The following TGS1 variants were observed in gnomAD, a reference collection of about 807,000 sequenced individuals.
TGS1 encodes trimethylguanosine synthase.
A neutral mutation model predicts 92.2 loss-of-function variants in TGS1; 69 were observed. The observed-to-expected ratio is 0.75, with a 90% CI of 0.62 to 0.91. TGS1 has a LOEUF of 0.91. Among genes scored for constraint, TGS1 ranks in the 40% least tolerant of loss-of-function variants. The pLI is 0.00. For missense variants in TGS1, 1,062 were observed against 1,001.2 expected, an observed-to-expected ratio of 1.06 and a Z score of -0.82; for synonymous variants, 345 against 338.1, an observed-to-expected ratio of 1.02 and a Z score of -0.22.
Position 55,799,024 on chromosome 8 carries a change from A to G in TGS1, c.1653A>G (p.Glu551=). 6.2e-7 allele frequency: 1 copy of G among 1,614,186 alleles called. No individual in the cohort carries two copies. The highest frequency in any genetic ancestry group is 8.5e-7 in the Non-Finnish European group (1 of 1,180,010). ...HDASTSSDSE[E]QDMSVKKGDD... is the part of the protein sequence containing the mutation. ...CTTCCACAAGTAGTGATTCAGAGGA[A>G]CAAGACATGTCTGTTAAAAAAGGTG... is the stretch of plus-strand genomic sequence containing the variant. Residue 551 remains glutamate, a synonymous_variant, in exon 8 of 13, where the codon GAA becomes GAG. Transcript: ENST00000260129.
At chr8:55,798,197 G>T (rs1407283023) in intron 7 of TGS1, among the ~76,000 whole-genome samples, 1 of 152,156 alleles carries the variant, frequency 6.6e-6, no homozygotes, top group Non-Finnish European at 1.5e-5. Flanking sequence ...GGAAGATTCT[G>T]GGTTGTTGCC....
chr8:55,788,407 C>A (rs1191207598), intron 4 of TGS1, among the ~76,000 whole-genome samples: 1 of 151,084 alleles, frequency 6.6e-6, no homozygotes, highest in Non-Finnish European at 1.5e-5. Flanking sequence ...GAGCCTACCT[C>A]AGTATAATAT....
At chr8:55,816,025 C>T (rs1472780488) in intron 12 of TGS1, among the ~76,000 whole-genome samples, 2 of 151,954 alleles carry the variant, frequency 1.3e-5, no homozygotes, top group Non-Finnish European at 1.5e-5. Context: ...ATGATCATAG[C>T]TCACTGCAAC....
chr8:55,806,372 A>AG (rs1317952642), intron 10 of TGS1, among the ~76,000 whole-genome samples: 1 of 146,568 alleles, frequency 6.8e-6, no homozygotes, highest in Non-Finnish European at 1.5e-5. Flanking sequence ...AAAAAAAAAA[A>AG]AAAAAGACAA....
chr8:55,807,762 T>C (rs779000063), intron 10 of TGS1, among the ~76,000 whole-genome samples: 2 of 151,960 alleles, frequency 1.3e-5, no homozygotes, highest in Non-Finnish European at 2.9e-5. Flanking sequence ...AACCCCTGGC[T>C]TTAAGCAATC....
rs1336483751 is a variant in TGS1, at chr8:55,825,847, CT to C, written c.*1146del. On this transcript the variant is annotated 3_prime_UTR_variant, in exon 13 of 13. Coordinates refer to ENST00000260129, the MANE Select transcript of TGS1 (RefSeq NM_024831.8). ...CAATTTCAAAATCTGTCCAAATGTT[CT>C]TGGTTTTTAAACTTTATGTAGCATT... 1.3e-5 allele frequency among the ~76,000 whole-genome samples: 2 copies of C among 150,988 alleles called. No individual in the cohort carries two copies. Among genetic ancestry groups the C allele is most frequent in the Non-Finnish European group, 2.9e-5 (2 of 67,816 alleles).
At chr8:55,780,005 C>T (rs1414791517) in intron 1 of TGS1, among the ~76,000 whole-genome samples, 2 of 151,564 alleles carry the variant, frequency 1.3e-5, no homozygotes, top group Non-Finnish European at 2.9e-5. Context: ...TACAGGCCCA[C>T]ACTACCACAC....
Position 55,813,081 on chromosome 8 carries a change from T to C in TGS1, c.2402T>C (p.Ile801Thr), listed in dbSNP as rs141056355. Reference sequence around the variant, plus strand: ...CTTTCTAAGAAGATCACTAATAATATTGTTTATTTTCTTCCAAGAAATGCT... The same window carrying C: ...CTTTCTAAGAAGATCACTAATAATACTGTTTATTTTCTTCCAAGAAATGCT... Reference protein sequence around the residue: ...FRLSKKITNNIVYFLPRNADI... With the variant: ...FRLSKKITNNTVYFLPRNADI... Residue 801 changes from isoleucine (I) to threonine (T), a missense_variant, in exon 12 of 13, where the codon ATT becomes ACT. Transcript: ENST00000260129. 3 of 1,610,930 alleles carry C rather than the reference T, an allele frequency of 1.9e-6. No homozygotes were observed. The highest frequency in any genetic ancestry group is 2.5e-6 in the Non-Finnish European group (3 of 1,178,108).
At chr8:55,817,958 CTCA>C (rs945768846) in intron 12 of TGS1, among the ~76,000 whole-genome samples, 2 of 152,186 alleles carry the variant, frequency 1.3e-5, no homozygotes, top group African/African-American at 4.8e-5. Context: ...ATTTCATTGA[CTCA>C]TCATGACATT....
intron 1 of TGS1, among the ~76,000 whole-genome samples, chr8:55,779,629 C>T (rs188468052): frequency 1.3e-5 from 2 of 152,286 alleles, no homozygotes; most frequent in African/African-American, 4.8e-5. Flanking sequence ...TGATCGGGTA[C>T]TGATGCTACT....
intron 2 of TGS1, among the ~76,000 whole-genome samples, chr8:55,783,250 C>G (rs1245162532): frequency 6.6e-6 from 1 of 152,130 alleles, no homozygotes; most frequent in African/African-American, 2.4e-5. Context: ...AAAACCCCAT[C>G]TCTAATAAAA....
Position 55,781,361 on chromosome 8 carries a change from A to T in TGS1, c.102-1387A>T, listed in dbSNP as rs1028388824. Among the ~76,000 whole-genome samples, 27 of 151,566 alleles carry T rather than the reference A, an allele frequency of 1.8e-4. 1 individual carries two copies. The highest frequency in any genetic ancestry group is 6.3e-4 in the South Asian group (3 of 4,800). ...TAAATAACCTTCTTCATTTCTATTT[A>T]AAAAAAAACCAAAAATTTTTTATTT... On this transcript the variant is annotated intron_variant, in intron 1 of 12. Coordinates refer to ENST00000260129, the MANE Select transcript of TGS1 (RefSeq NM_024831.8).
chr8:55,808,331 AT>A (rs1257940223), intron 10 of TGS1, among the ~76,000 whole-genome samples: 1 of 152,076 alleles, frequency 6.6e-6, no homozygotes, highest in Non-Finnish European at 1.5e-5. Context: ...ATCAATATTT[AT>A]TGCCTAAAAA....
Position 55,792,486 on chromosome 8 carries a change from ATTGCTGTG to A in TGS1, c.1281-209_1281-202del, listed in dbSNP as rs1276509595. 3.9e-5 allele frequency among the ~76,000 whole-genome samples: 6 copies of A among 152,284 alleles called. No homozygotes were observed. In the East Asian group the frequency reaches 1.2e-3, roughly 29 times the overall value. ...GACATGAATTAAGACTGGAATACTT[ATTGCTGTG>A]TTCCAAATGCTCCTGGGTACTTACC... is the stretch of plus-strand genomic sequence containing the variant. On this transcript the variant is annotated intron_variant, in intron 5 of 12. Coordinates refer to ENST00000260129, the MANE Select transcript of TGS1 (RefSeq NM_024831.8).
intron 5 of TGS1, among the ~76,000 whole-genome samples, 193 bp downstream of exon 5, chr8:55,790,492 C>T (rs543523164): frequency 7.4e-6 from 1 of 135,824 alleles, no homozygotes; most frequent in South Asian, 2.5e-4. Context: ...CTCACAAACT[C>T]TAAGTACATT....
chr8:55,790,380 G>T, intron 5 of TGS1, 81 bp downstream of exon 5: 1 of 888,616 alleles, frequency 1.1e-6, no homozygotes, highest in Non-Finnish European at 1.9e-6. Flanking sequence ...TTAAATGATT[G>T]TTATGTTCAC....
intron 1 of TGS1, among the ~76,000 whole-genome samples, chr8:55,780,156 A>G (rs999519660): frequency 2.9e-5 from 4 of 138,656 alleles, no homozygotes; most frequent in African/African-American, 5.4e-5. Context: ...CATGTCTGGC[A>G]TGGCTTTTTT....
At chr8:55,776,472 G>A (rs1466812395) in intron 1 of TGS1, among the ~76,000 whole-genome samples, 1 of 151,976 alleles carries the variant, frequency 6.6e-6, no homozygotes, top group Non-Finnish European at 1.5e-5. Context: ...AATAGAGACG[G>A]GGTTTCACTG....
chr8:55,783,671 G>A (rs1370888960), intron 2 of TGS1, among the ~76,000 whole-genome samples: 3 of 152,132 alleles, frequency 2.0e-5, no homozygotes, highest in Non-Finnish European at 4.4e-5. Flanking sequence ...TAGACCTTTT[G>A]TGTTCCTAGA....
Sources: allele counts gnomAD v4.1 joint callset (sites outside exome capture counted in the v4.1 genomes callset), GRCh38; gene constraint gnomAD v4.1.1; transcripts MANE v1.5; gene names NCBI Gene and HGNC (gene_info 2026-07-23, HGNC 2026-07-21).